Variants in HEATR3 observed in about 807,000 individuals in gnomAD.
HEATR3 encodes HEAT repeat containing 3, also known as HEAT repeat-containing protein 3.
HEATR3 carries 56 observed loss-of-function variants against 72.8 expected under a neutral mutation model. The ratio of observed to expected loss-of-function variants is 0.77; its 90% CI spans 0.62 to 0.96. The LOEUF is 0.96. Among genes scored for constraint, HEATR3 ranks in the 40% least tolerant of loss-of-function variants. The probability of loss-of-function intolerance (pLI) is 0.00; values close to 1 mark genes in which losing one functional copy is unlikely to be tolerated. For missense variants in HEATR3, 747 were observed against 831.4 expected (o/e 0.90, Z 1.25); for synonymous variants, 331 against 318.1 (o/e 1.04, Z -0.43).
chr16:50,071,337 C>T (rs934157336), intron 4 of HEATR3, among the ~76,000 whole-genome samples: 3 of 152,148 alleles, frequency 2.0e-5, no homozygotes, highest in Non-Finnish European at 4.4e-5. Flanking sequence ...TCTGACCTTG[C>T]CTGTGATTTC....
At chr16:50,102,496 G>A in intron 14 of HEATR3, 61 bp downstream of exon 14, 1 of 1,481,604 alleles carries the variant, frequency 6.7e-7, no homozygotes, top group Non-Finnish European at 9.3e-7. Flanking sequence ...ACAAGGGTGT[G>A]TGTAGTTACC....
intron 6 of HEATR3, among the ~76,000 whole-genome samples, chr16:50,076,740 C>T (rs1374879473): frequency 4.0e-5 from 1 of 25,190 alleles, no homozygotes; most frequent in Non-Finnish European, 1.8e-4. Flanking sequence ...TGCTCTGTCA[C>T]CCAGGCTGGA....
At chr16:50,081,628 A>C (rs946219653) in intron 7 of HEATR3, among the ~76,000 whole-genome samples, 3 of 152,228 alleles carry the variant, frequency 2.0e-5, no homozygotes, top group Non-Finnish European at 1.5e-5. Context: ...TTTAAGTGCC[A>C]GTAGGATGCC....
At chr16:50,086,800 A>G (rs1257916260) in intron 11 of HEATR3, among the ~76,000 whole-genome samples, 1 of 152,010 alleles carries the variant, frequency 6.6e-6, no homozygotes, top group African/African-American at 2.4e-5. Flanking sequence ...GGTGGTGGAG[A>G]TGCCTGTAAT....
intron 11 of HEATR3, 66 bp downstream of exon 11, chr16:50,086,417 A>G: frequency 6.7e-7 from 1 of 1,493,896 alleles, no homozygotes; most frequent in Non-Finnish European, 9.0e-7. Context: ...AGGAATTTGG[A>G]TTTTGTAAAT....
intron 5 of HEATR3, chr16:50,073,733 A>G (rs917131869): frequency 3.3e-5 from 5 of 152,096 alleles, no homozygotes; most frequent in East Asian, 1.9e-4. Context: ...AATCACTTCT[A>G]TTTTTGTGCC....
intron 5 of HEATR3, 166 bp downstream of exon 5, chr16:50,072,880 T>A (rs986160629): frequency 1.8e-6 from 1 of 568,928 alleles, no homozygotes; most frequent in African/African-American, 1.9e-5. Context: ...TGATTAATAT[T>A]AATTCTTTAC....
chr16:50,092,737 C>T (rs879430730), intron 11 of HEATR3, among the ~76,000 whole-genome samples: 17 of 97,306 alleles, frequency 1.7e-4, no homozygotes, highest in African/African-American at 4.0e-4. Flanking sequence ...CCACCGCGCC[C>T]GGCCCAAGGT....
intron 12 of HEATR3, among the ~76,000 whole-genome samples, chr16:50,095,551 C>T (rs531464196): frequency 1.3e-5 from 2 of 151,974 alleles, no homozygotes; most frequent in Admixed American, 6.6e-5. Context: ...TTTAAACATT[C>T]CTAAAAGCAG....
intron 12 of HEATR3, among the ~76,000 whole-genome samples, chr16:50,096,628 A>C (rs534504874): frequency 1.1e-4 from 17 of 151,590 alleles, no homozygotes; most frequent in Admixed American, 9.2e-4. Context: ...GCGAAACCCT[A>C]TCTCTACAAA....
At chr16:50,098,555 C>G (rs1012327240) in intron 12 of HEATR3, among the ~76,000 whole-genome samples, 8 of 151,942 alleles carry the variant, frequency 5.3e-5, no homozygotes, top group Non-Finnish European at 7.4e-5. Flanking sequence ...ACTCAGGAGA[C>G]TGAGGCAGAA....
In HEATR3 at chr16:50,072,590, C is replaced by T. The variant is rs1276288142; in HGVS notation, c.513-15C>T. 1.3e-6 allele frequency: 2 copies of T among 1,509,430 alleles called. No individual in the cohort carries two copies. Among genetic ancestry groups the T allele is most frequent in the Admixed American group, 1.8e-5 (1 of 55,574 alleles). The allele number at this position is 1,509,430 out of a possible 1,614,324, so 93.5% of individuals were successfully genotyped here. ...AATGTGAATAGTAAAACTTTTTTTT[C>T]CCCCTTCAATTTAGTGAATGCAGTA... On this transcript the variant is annotated splice_polypyrimidine_tract_variant and intron_variant, in intron 4 of 14. Transcript: ENST00000299192.
intron 6 of HEATR3, among the ~76,000 whole-genome samples, chr16:50,078,131 C>T (rs541320290): frequency 6.6e-6 from 1 of 152,162 alleles, no homozygotes; most frequent in South Asian, 2.1e-4. Flanking sequence ...CCCACCTTGG[C>T]CTCCCAAAGT....
At chr16:50,090,947 C>T (rs1389063459) in intron 11 of HEATR3, among the ~76,000 whole-genome samples, 1 of 151,804 alleles carries the variant, frequency 6.6e-6, no homozygotes, top group Non-Finnish European at 1.5e-5. Flanking sequence ...GAGTTTGAGA[C>T]CAGCCTGACC....
intron 13 of HEATR3, among the ~76,000 whole-genome samples, chr16:50,101,994 G>T (rs1422703588): frequency 6.6e-6 from 1 of 152,126 alleles, no homozygotes; most frequent in Non-Finnish European, 1.5e-5. Context: ...GAGAGAGGTA[G>T]AGGGGAAAAT....
chr16:50,075,857 CCTTA>C (rs1172513839), intron 6 of HEATR3, 146 bp downstream of exon 6: 6 of 649,224 alleles, frequency 9.2e-6, no homozygotes, highest in Non-Finnish European at 1.6e-5. Flanking sequence ...GAGAAGAGAC[CCTTA>C]CTTCAAGCAG....
At chr16:50,067,074 C>G (rs2036514138) in intron 2 of HEATR3, among the ~76,000 whole-genome samples, 1 of 152,216 alleles carries the variant, frequency 6.6e-6, no homozygotes, top group African/African-American at 2.4e-5. Context: ...TGCTCTTGGG[C>G]CGGGCGCGGT....
intron 4 of HEATR3, 23 bp from the exon 5 acceptor site, chr16:50,072,581 CT>C (rs768081241): frequency 4.4e-5 from 64 of 1,470,988 alleles, no homozygotes; most frequent in Non-Finnish European, 5.4e-5. Context: ...AATAGTAAAA[CT>C]TTTTTTTCCC....
At position 50,086,451 on chromosome 16, in the gene HEATR3, G is replaced by A. The variant is rs1597158807; in HGVS notation, c.1510+100G>A. 36 of 1,273,162 alleles carry A rather than the reference G, an allele frequency of 2.8e-5. No individual in the cohort carries two copies. The South Asian group carries it at 4.6e-4, about 16-fold the overall frequency. 78.9% of individuals were successfully genotyped at this position (1,273,162 alleles called of 1,614,324 possible). A position where few individuals can be genotyped will look rare whatever the true frequency, so the allele number is the denominator to read the frequency against. ...ATGTATATTGTTTGTCATCCAATGT[G>A]CAGAAACCTTTCCCAGACACAGGAA... On this transcript the variant is annotated intron_variant, in intron 11 of 14. Transcript: ENST00000299192.
Sources: allele counts gnomAD v4.1 joint callset (sites outside exome capture counted in the v4.1 genomes callset), GRCh38; gene constraint gnomAD v4.1.1; transcripts MANE v1.5; gene names NCBI Gene and HGNC (gene_info 2026-07-23, HGNC 2026-07-21).